The following TPST1 variants were observed in gnomAD, a reference collection of about 807,000 sequenced individuals.
The protein encoded by TPST1 is tyrosylprotein sulfotransferase 1.
In TPST1, 20 loss-of-function variants were observed where a neutral mutation model predicts 34.8. The ratio of observed to expected loss-of-function variants is 0.57; its 90% CI spans 0.40 to 0.84. The LOEUF (loss-of-function observed/expected upper bound fraction) is 0.84, where lower values mean the gene tolerates loss of function less well. Ranked by LOEUF, TPST1 falls within the 40% of genes least tolerant of loss-of-function variation. The pLI, the probability that TPST1 is intolerant of heterozygous loss-of-function variation, is 0.00. For missense variants in TPST1, 353 were observed against 455.5 expected, an observed-to-expected ratio of 0.78 and a Z score of 2.05; for synonymous variants, 152 against 159.4, an observed-to-expected ratio of 0.95 and a Z score of 0.35.
intron 1 of TPST1, among the ~76,000 whole-genome samples, chr7:66,239,637 C>T (rs1328957091): frequency 7.9e-5 from 12 of 152,160 alleles, no homozygotes; most frequent in African/African-American, 2.7e-4. Context: ...TAAAGCAAGT[C>T]TGAATAGCAG....
At chr7:66,238,912 T>C (rs1044523109) in intron 1 of TPST1, among the ~76,000 whole-genome samples, 2 of 152,238 alleles carry the variant, frequency 1.3e-5, no homozygotes. Context: ...TTCATATACA[T>C]GCTTCTGCTT....
At chr7:66,278,278 A>C (rs1790860606) in intron 2 of TPST1, among the ~76,000 whole-genome samples, 1 of 152,046 alleles carries the variant, frequency 6.6e-6, no homozygotes. Flanking sequence ...ATGTAGTTGA[A>C]AAATAACTCT....
intron 3 of TPST1, among the ~76,000 whole-genome samples, chr7:66,289,142 A>G (rs1442685097): frequency 2.0e-5 from 1 of 51,056 alleles, no homozygotes; most frequent in Non-Finnish European, 3.6e-5. Flanking sequence ...GGCTCTGTTT[A>G]TATGCTGGAT....
At chr7:66,336,254 G>A (rs950723205) in intron 3 of TPST1, among the ~76,000 whole-genome samples, 10 of 151,574 alleles carry the variant, frequency 6.6e-5, no homozygotes, top group Non-Finnish European at 1.5e-4. Flanking sequence ...AGCTTGCAGT[G>A]AGCTGAGATT....
At chr7:66,315,085 A>G (rs1443637856) in intron 3 of TPST1, among the ~76,000 whole-genome samples, 2 of 152,244 alleles carry the variant, frequency 1.3e-5, no homozygotes, top group Non-Finnish European at 2.9e-5. Flanking sequence ...ACAAAATTCA[A>G]CACCTAATTG....
At chr7:66,322,803 G>A (rs899417630) in intron 3 of TPST1, among the ~76,000 whole-genome samples, 1 of 152,058 alleles carries the variant, frequency 6.6e-6, no homozygotes, top group African/African-American at 2.4e-5. Context: ...GGAAGCTGCC[G>A]TACTGTTACT....
rs376651414 is a variant in TPST1, at chr7:66,358,487, T to C, written c.*30-1408T>C. Among the ~76,000 whole-genome samples the C allele has an allele frequency of 4.0e-4, 61 of 152,166 alleles. 1 individual carries two copies. The East Asian group carries it at 9.6e-3, about 24-fold the overall frequency. ...ATTATATATACATCTATATATAAAA[T>C]TGTATTCAGTTCTCAAACCACTCTG... is the stretch of plus-strand genomic sequence containing the variant. On this transcript the variant is annotated intron_variant, in intron 5 of 5. Coordinates refer to ENST00000304842, the MANE Select transcript of TPST1 (RefSeq NM_003596.4).
rs113167929 is a variant in TPST1, at chr7:66,333,292, G to T, written c.1045-19213G>T. 3.3e-3 allele frequency among the ~76,000 whole-genome samples: 503 copies of T among 152,308 alleles called. 1 individual carries two copies. Among genetic ancestry groups the T allele is most frequent in the African/African-American group, 0.011 (456 of 41,572 alleles). ...TGTCTGTTGACAGCCAAAGCCTCTTGTATGGAAACATACCACCACTGCCAC... is the reference window on the plus strand; with the variant it reads ...TGTCTGTTGACAGCCAAAGCCTCTTTTATGGAAACATACCACCACTGCCAC... On this transcript the variant is annotated intron_variant, in intron 3 of 5. Coordinates refer to ENST00000304842, the MANE Select transcript of TPST1 (RefSeq NM_003596.4).
chr7:66,301,943 C>T (rs1791326683), intron 3 of TPST1, among the ~76,000 whole-genome samples: 1 of 152,164 alleles, frequency 6.6e-6, no homozygotes, highest in African/African-American at 2.4e-5. Flanking sequence ...TTACCACACA[C>T]CTTCAATTTG....
chr7:66,274,738 G>T (rs959721686), intron 2 of TPST1, among the ~76,000 whole-genome samples: 11 of 151,528 alleles, frequency 7.3e-5, no homozygotes, highest in Non-Finnish European at 1.3e-4. Context: ...AATTCGGCAA[G>T]AAAACAAATC....
intron 1 of TPST1, among the ~76,000 whole-genome samples, chr7:66,206,648 C>T (rs1166929248): frequency 1.3e-5 from 2 of 152,152 alleles, no homozygotes; most frequent in East Asian, 3.8e-4. Flanking sequence ...TAATTACTCC[C>T]CATCCCCTCT....
At chr7:66,334,913 C>T (rs574517254) in intron 3 of TPST1, among the ~76,000 whole-genome samples, 5 of 152,266 alleles carry the variant, frequency 3.3e-5, no homozygotes, top group South Asian at 2.1e-4. Context: ...CCCGTCCCAT[C>T]AGGGAGAGCC....
chr7:66,241,055 CTG>C lies in TPST1; in HGVS notation c.632_633del (p.Cys211PhefsTer13). 3.7e-6 allele frequency: 6 copies of C among 1,614,200 alleles called. No homozygotes were observed. The highest frequency in any genetic ancestry group is 4.2e-6 in the Non-Finnish European group (5 of 1,180,044). On this transcript the variant is annotated frameshift_variant, in exon 2 of 6. Transcript: ENST00000304842. LOFTEE classifies it high-confidence loss of function. ...AGFDLNSYRD[C>X]LTKWNRAIET... ...GATTTGATCTGAACAGCTATAGGGA[CTG>C]TTTGACAAAGTGGAATCGTGCTATA...
At chr7:66,319,797 G>A (rs748206723) in intron 3 of TPST1, among the ~76,000 whole-genome samples, 7 of 152,190 alleles carry the variant, frequency 4.6e-5, no homozygotes, top group East Asian at 1.9e-4. Flanking sequence ...ATCCTGTTTC[G>A]TAATTGGATG....
upstream of TPST1, among the ~76,000 whole-genome samples, chr7:66,204,067 C>T (rs117705833): frequency 0.022 from 3,325 of 151,770 alleles, 63 homozygotes; most frequent in Non-Finnish European, 0.028. Flanking sequence ...ATTCTAGCTA[C>T]TTTGGAGGCG....
rs867110660 is a variant in TPST1, at chr7:66,278,730, C to T, written c.846-7781C>T. Among the ~76,000 whole-genome samples the T allele has an allele frequency of 3.3e-5, 5 of 151,818 alleles. No homozygotes were observed. The Middle Eastern group carries it at 0.01, about 310-fold the overall frequency. ...CCTGGGAGGCGGAGCTTGCAGGGAG[C>T]CGAGATCGCACCACTGCACTCCAGC... is the stretch of plus-strand genomic sequence containing the variant. On this transcript the variant is annotated intron_variant, in intron 2 of 5. Coordinates refer to ENST00000304842, the MANE Select transcript of TPST1 (RefSeq NM_003596.4).
At chr7:66,220,645 T>A (rs192315421) in intron 1 of TPST1, among the ~76,000 whole-genome samples, 1 of 104,302 alleles carries the variant, frequency 9.6e-6, no homozygotes, top group Non-Finnish European at 1.7e-5. Context: ...TTCAGGTGGA[T>A]GACAGTGGCA....
intron 1 of TPST1, among the ~76,000 whole-genome samples, chr7:66,231,721 C>T (rs1020452650): frequency 2.0e-5 from 3 of 152,250 alleles, no homozygotes; most frequent in African/African-American, 4.8e-5. Context: ...CGCGCCTCTC[C>T]CTCCACACCA....
intron 4 of TPST1, among the ~76,000 whole-genome samples, chr7:66,354,334 G>A (rs557110492): frequency 2.0e-5 from 3 of 152,100 alleles, no homozygotes; most frequent in Admixed American, 1.3e-4. Context: ...GCCCAGGTGC[G>A]GTGGTTCACG....
Sources: gnomAD v4.1 joint callset for allele counts (sites outside exome capture counted in the v4.1 genomes callset) on GRCh38, gnomAD v4.1.1 for gene constraint, MANE v1.5 for transcripts, NCBI Gene and HGNC (gene_info 2026-07-23, HGNC 2026-07-21) for gene names.